NCKAP5: variants seen among roughly 807,000 people sequenced by gnomAD.
NCKAP5 encodes nck-associated protein 5.
NCKAP5 carries 92 observed loss-of-function variants against 167.0 expected under a neutral mutation model. The ratio of observed to expected loss-of-function variants is 0.55; its 90% CI spans 0.47 to 0.66. The LOEUF is 0.66. Among genes scored for constraint, NCKAP5 ranks in the 30% least tolerant of loss-of-function variants. The pLI is 0.00. For synonymous variants in NCKAP5, 891 were observed against 877.4 expected (o/e 1.02, Z -0.27); for missense variants, 2,378 against 2,315.0 (o/e 1.03, Z -0.56).
intron 1 of NCKAP5, among the ~76,000 whole-genome samples, chr2:133,563,561 C>T (rs1450104741): frequency 5.5e-5 from 2 of 36,548 alleles, no homozygotes; most frequent in South Asian, 1.3e-3. Flanking sequence ...GAGAAAGACT[C>T]CATAAAAAAA....
In NCKAP5 at chr2:132,860,588, C is replaced by T. The variant is rs777165738; in HGVS notation, c.711G>A (p.Lys237=). The change falls in exon 11 of 20, where the codon AAG becomes AAA. Residue 237 remains lysine, a synonymous_variant. Transcript: ENST00000409261. ...CCAAATCAAACACTCTTGTTTTCAA[C>T]TTCACACATTCCTCTCTTAGATCCT... ...TQKDLREECV[K]LKTRVFDLEQ... 1.3e-6 allele frequency: 2 copies of T among 1,579,010 alleles called. No individual in the cohort carries two copies. The highest frequency in any genetic ancestry group is 1.3e-5 in the African/African-American group (1 of 74,606).
intron 6 of NCKAP5, among the ~76,000 whole-genome samples, chr2:133,053,586 G>A (rs2079684522): frequency 6.6e-6 from 1 of 152,168 alleles, no homozygotes; most frequent in Non-Finnish European, 1.5e-5. Flanking sequence ...TTTACTTTCT[G>A]AATCCTACTG....
At chr2:133,131,503 T>C (rs1233441792) in intron 5 of NCKAP5, among the ~76,000 whole-genome samples, 3 of 152,240 alleles carry the variant, frequency 2.0e-5, no homozygotes, top group Admixed American at 2.0e-4. Flanking sequence ...TATGTGCAGA[T>C]ATATTTTACA....
chr2:133,236,623 T>A (rs1287006872), intron 4 of NCKAP5, among the ~76,000 whole-genome samples: 1 of 152,214 alleles, frequency 6.6e-6, no homozygotes, highest in Non-Finnish European at 1.5e-5. Flanking sequence ...GTCAATACAT[T>A]AGAAGTGGGA....
chr2:132,770,880 T>C (rs530749410), intron 16 of NCKAP5, among the ~76,000 whole-genome samples: 1 of 152,292 alleles, frequency 6.6e-6, no homozygotes, highest in East Asian at 1.9e-4. Context: ...GTTAAACCAT[T>C]GTAATGTCAT....
At chr2:133,428,237 A>T (rs1232121995) in intron 3 of NCKAP5, among the ~76,000 whole-genome samples, 1 of 152,174 alleles carries the variant, frequency 6.6e-6, no homozygotes, top group Non-Finnish European at 1.5e-5. Context: ...AATTGCTACT[A>T]GTGCAGGGAA....
At chr2:133,597,932 A>G in the NCKAP5 span, among the ~76,000 whole-genome samples, 2 of 152,100 alleles carry the variant, frequency 1.3e-5, no homozygotes, top group Non-Finnish European at 2.9e-5. Flanking sequence ...TGCCCATAGG[A>G]AAGGAAGCTC....
chr2:133,376,808 C>T (rs1458739473), intron 3 of NCKAP5, among the ~76,000 whole-genome samples: 1 of 152,190 alleles, frequency 6.6e-6, no homozygotes, highest in Non-Finnish European at 1.5e-5. Flanking sequence ...TTGTTAGGAG[C>T]TGAGCCACAG....
At chr2:133,373,992 G>T (rs905598452) in intron 3 of NCKAP5, among the ~76,000 whole-genome samples, 2 of 152,188 alleles carry the variant, frequency 1.3e-5, no homozygotes, top group Non-Finnish European at 2.9e-5. Context: ...TAGTAATGGT[G>T]CAATCACATG....
At chr2:133,281,920 A>T (rs1177652064) in intron 4 of NCKAP5, among the ~76,000 whole-genome samples, 1 of 152,150 alleles carries the variant, frequency 6.6e-6, no homozygotes. Context: ...CCCACAGTTA[A>T]ATGCTTCAAT....
chr2:133,512,669 A>G (rs1683596320), intron 3 of NCKAP5, among the ~76,000 whole-genome samples: 1 of 152,228 alleles, frequency 6.6e-6, no homozygotes, highest in African/African-American at 2.4e-5. Context: ...ATAACTGAAG[A>G]TAAACAGCAG....
chr2:132,682,663 A>G (rs1221917180), intron 19 of NCKAP5, among the ~76,000 whole-genome samples: 4 of 152,114 alleles, frequency 2.6e-5, no homozygotes, highest in Non-Finnish European at 4.4e-5. Flanking sequence ...TATCCTGTCA[A>G]ATTCAGAGTT....
At chr2:132,953,090 T>C (rs1238251809) in intron 8 of NCKAP5, among the ~76,000 whole-genome samples, 1 of 152,132 alleles carries the variant, frequency 6.6e-6, no homozygotes, top group Non-Finnish European at 1.5e-5. Context: ...TACCTATCTA[T>C]CCAAAGAGTG....
intron 11 of NCKAP5, among the ~76,000 whole-genome samples, chr2:132,798,301 A>G (rs1313172962): frequency 6.6e-6 from 1 of 152,226 alleles, no homozygotes; most frequent in African/African-American, 2.4e-5. Flanking sequence ...CATACTTAGT[A>G]AGCAGCCCAT....
chr2:133,179,572 T>G (rs1470521482), intron 5 of NCKAP5, among the ~76,000 whole-genome samples: 1 of 152,160 alleles, frequency 6.6e-6, no homozygotes, highest in Non-Finnish European at 1.5e-5. Flanking sequence ...TTAAAATGCT[T>G]CAATGAATAG....
chr2:133,337,592 T>C (rs1384177307), intron 3 of NCKAP5, among the ~76,000 whole-genome samples: 1 of 152,136 alleles, frequency 6.6e-6, no homozygotes, highest in Non-Finnish European at 1.5e-5. Context: ...CTGGTATCCT[T>C]GTAGAAGAAA....
the NCKAP5 span, among the ~76,000 whole-genome samples, chr2:133,619,793 A>G: frequency 6.6e-6 from 1 of 152,166 alleles, no homozygotes; most frequent in Non-Finnish European, 1.5e-5. Context: ...TCACCTAGAT[A>G]CATAGCCATC....
At chr2:132,691,049 TA>T (rs1302805722) in intron 19 of NCKAP5, among the ~76,000 whole-genome samples, 3 of 152,240 alleles carry the variant, frequency 2.0e-5, no homozygotes, top group Non-Finnish European at 2.9e-5. Context: ...ATAAGCCGTT[TA>T]CTGTATTGAA....
rs977537817 is a variant in NCKAP5, at chr2:133,306,417, G to A, written c.70-3307C>T. The stretch of plus-strand genomic sequence containing the variant: ...CCTTAATCATAAAAGAGGGTGTGAC[G>A]GTGAAAATTATTTACATAAGAAAGA... On this transcript the variant is annotated intron_variant, in intron 3 of 19. Coordinates refer to ENST00000409261, the MANE Select transcript of NCKAP5 (RefSeq NM_207363.3). Among the ~76,000 whole-genome samples the A allele has an allele frequency of 3.9e-5, 6 of 152,250 alleles. No individual in the cohort carries two copies. The South Asian group carries it at 1.2e-3, about 32-fold the overall frequency.
Sources: allele counts gnomAD v4.1 joint callset (sites outside exome capture counted in the v4.1 genomes callset), GRCh38; gene constraint gnomAD v4.1.1; transcripts MANE v1.5; gene names NCBI Gene and HGNC (gene_info 2026-07-23, HGNC 2026-07-21).